Variants in NEGR1 observed in about 807,000 individuals in gnomAD.
NEGR1 encodes IgLON family member 4.
In NEGR1, 10 loss-of-function variants were observed where a neutral mutation model predicts 40.9. The observed-to-expected ratio is 0.24, with a 90% CI of 0.15 to 0.42. The LOEUF (loss-of-function observed/expected upper bound fraction) is 0.42. Ranked by LOEUF, NEGR1 falls within the 10% of genes least tolerant of loss-of-function variation. The pLI, the probability that NEGR1 is intolerant of heterozygous loss-of-function variation, is 1.00. For synonymous variants in NEGR1, 185 were observed against 166.8 expected (o/e 1.11, Z -0.84); for missense variants, 352 against 438.9 (o/e 0.80, Z 1.77).
intron 1 of NEGR1, among the ~76,000 whole-genome samples, chr1:71,993,882 T>A (rs1312841734): frequency 1.3e-5 from 2 of 152,258 alleles, no homozygotes; most frequent in Non-Finnish European, 2.9e-5. Context: ...CTGGAGATAC[T>A]CTCCAAATTC....
At chr1:71,642,491 A>G (rs1651386282) in intron 4 of NEGR1, among the ~76,000 whole-genome samples, 2 of 151,984 alleles carry the variant, frequency 1.3e-5, no homozygotes, top group African/African-American at 4.8e-5. Flanking sequence ...CAACTTTGTA[A>G]GCCCTTGCTC....
intron 1 of NEGR1, among the ~76,000 whole-genome samples, chr1:72,048,617 A>G (rs1248480244): frequency 1.3e-5 from 2 of 151,610 alleles, no homozygotes; most frequent in Non-Finnish European, 3.0e-5. Flanking sequence ...CAAGCCTTAC[A>G]TCTACTAGCA....
intron 4 of NEGR1, among the ~76,000 whole-genome samples, chr1:71,668,805 G>A (rs1652322520): frequency 2.0e-5 from 3 of 152,078 alleles, no homozygotes; most frequent in African/African-American, 7.2e-5. Flanking sequence ...TGTGATTTTT[G>A]GTGAGAATAT....
intron 1 of NEGR1, among the ~76,000 whole-genome samples, chr1:71,988,120 G>A (rs963087180): frequency 8.5e-5 from 13 of 152,174 alleles, no homozygotes; most frequent in Non-Finnish European, 1.9e-4. Flanking sequence ...TCACAATTCT[G>A]TTGACACTGC....
chr1:71,952,013 C>A (rs919980611), intron 1 of NEGR1, among the ~76,000 whole-genome samples: 1 of 151,822 alleles, frequency 6.6e-6, no homozygotes, highest in African/African-American at 2.4e-5. Context: ...AGTCATTCCC[C>A]ATCTCTTTCT....
At position 71,534,945 on chromosome 1, in the gene NEGR1, T is replaced by G. The variant is rs745675264; in HGVS notation, c.940+57872A>C. On this transcript the variant is annotated intron_variant, in intron 6 of 6. Coordinates refer to ENST00000357731, the MANE Select transcript of NEGR1 (RefSeq NM_173808.3). ...AGAGAAATGATGTTCTAATGAACACTGTCCTTTTGGTGGGCTAGCAATAGT... is the reference window on the plus strand; with the variant it reads ...AGAGAAATGATGTTCTAATGAACACGGTCCTTTTGGTGGGCTAGCAATAGT... Among the ~76,000 whole-genome samples the G allele has an allele frequency of 4.0e-4, 61 of 151,638 alleles. 1 individual carries two copies. The highest frequency in any genetic ancestry group is 1.5e-4 in the Non-Finnish European group (10 of 67,762).
intron 4 of NEGR1, among the ~76,000 whole-genome samples, chr1:71,683,617 T>G (rs939588118): frequency 1.3e-5 from 2 of 152,050 alleles, no homozygotes; most frequent in Admixed American, 6.5e-5. Flanking sequence ...AGATAAATAC[T>G]TAGTTTGATA....
At position 72,254,962 on chromosome 1, in the gene NEGR1, TTA is replaced by T. The variant is rs926381302; in HGVS notation, c.176+27355_176+27356del. Among the ~76,000 whole-genome samples, 22 of 152,286 alleles carry T rather than the reference TTA, an allele frequency of 1.4e-4. No individual in the cohort carries two copies. In the East Asian group the frequency reaches 3.9e-3, roughly 27 times the overall value. On this transcript the variant is annotated intron_variant, in intron 1 of 6. Coordinates refer to ENST00000357731, the MANE Select transcript of NEGR1 (RefSeq NM_173808.3). Reference sequence around the variant, plus strand: ...CCAGCTCAATAGATGTATTAAAAATTTATATATGTCTATCTACATTTCAATAT... The same window carrying T: ...CCAGCTCAATAGATGTATTAAAAATTTATATGTCTATCTACATTTCAATAT...
chr1:72,068,859 T>C (rs1025599504), intron 1 of NEGR1, among the ~76,000 whole-genome samples: 1 of 152,244 alleles, frequency 6.6e-6, no homozygotes, highest in Middle Eastern at 3.4e-3. Context: ...CAGCTAAATA[T>C]GTAATCATTT....
chr1:72,023,413 A>G (rs559285178), intron 1 of NEGR1, among the ~76,000 whole-genome samples: 1 of 152,124 alleles, frequency 6.6e-6, no homozygotes, highest in Non-Finnish European at 1.5e-5. Flanking sequence ...TATTTGCTGG[A>G]TGAATCCTAA....
At chr1:71,960,859 T>C (rs1170260978) in intron 1 of NEGR1, among the ~76,000 whole-genome samples, 5 of 152,150 alleles carry the variant, frequency 3.3e-5, no homozygotes, top group Non-Finnish European at 7.4e-5. Context: ...AAATGAACTG[T>C]AAGTTTTGTA....
At chr1:72,126,122 T>TGTGTGA (rs1324281051) in intron 1 of NEGR1, among the ~76,000 whole-genome samples, 8 of 150,386 alleles carry the variant, frequency 5.3e-5, no homozygotes, top group Non-Finnish European at 1.2e-4. Context: ...TGTGTGTGTG[T>TGTGTGA]GTGTGTGTGT....
At chr1:71,502,850 C>T (rs1026818122) in intron 6 of NEGR1, among the ~76,000 whole-genome samples, 1 of 152,148 alleles carries the variant, frequency 6.6e-6, no homozygotes, top group African/African-American at 2.4e-5. Context: ...GAAACAAGTG[C>T]AGAGTCCCAA....
At chr1:71,455,692 T>C (rs563161510) in intron 6 of NEGR1, among the ~76,000 whole-genome samples, 1 of 152,302 alleles carries the variant, frequency 6.6e-6, no homozygotes, top group Admixed American at 6.5e-5. Flanking sequence ...ACCACTGCAC[T>C]CCAGCCTGGC....
At chr1:72,081,779 C>T (rs372431691) in intron 1 of NEGR1, among the ~76,000 whole-genome samples, 45 of 152,186 alleles carry the variant, frequency 3.0e-4, no homozygotes, top group African/African-American at 9.9e-4. Flanking sequence ...AAGCAGCTCG[C>T]TTGATTCCTA....
intron 2 of NEGR1, among the ~76,000 whole-genome samples, chr1:71,865,380 A>G (rs1269175213): frequency 6.6e-6 from 1 of 152,132 alleles, no homozygotes; most frequent in East Asian, 1.9e-4. Flanking sequence ...TGCGGCACTT[A>G]TACACCATGG....
At chr1:71,701,663 G>C (rs1325420713) in intron 3 of NEGR1, among the ~76,000 whole-genome samples, 2 of 151,900 alleles carry the variant, frequency 1.3e-5, no homozygotes, top group East Asian at 1.9e-4. Context: ...CTAGGGCATG[G>C]ACATCTTTGG....
At chr1:72,021,916 A>C (rs1646760406) in intron 1 of NEGR1, among the ~76,000 whole-genome samples, 1 of 152,038 alleles carries the variant, frequency 6.6e-6, no homozygotes, top group South Asian at 2.1e-4. Flanking sequence ...CGGGCGGATC[A>C]TGAGGTCAGG....
chr1:71,842,203 T>C (rs1436414013), intron 2 of NEGR1, among the ~76,000 whole-genome samples: 1 of 152,124 alleles, frequency 6.6e-6, no homozygotes. Flanking sequence ...TGTCACACTT[T>C]GGGAGCTAGA....
Sources: gnomAD v4.1 joint callset for allele counts (sites outside exome capture counted in the v4.1 genomes callset) on GRCh38, gnomAD v4.1.1 for gene constraint, MANE v1.5 for transcripts, NCBI Gene and HGNC (gene_info 2026-07-23, HGNC 2026-07-21) for gene names.